The following FRMD4B variants were observed in gnomAD, a reference collection of about 807,000 sequenced individuals.
FRMD4B encodes the protein FERM domain containing 4B, also known as FERM domain-containing protein 4B.
In FRMD4B, 74 loss-of-function variants were observed where a neutral mutation model predicts 141.5. The ratio of observed to expected loss-of-function variants is 0.52; its 90% CI spans 0.43 to 0.63. FRMD4B has a LOEUF of 0.63. FRMD4B is among the 30% of genes least tolerant of loss of function. The probability of loss-of-function intolerance (pLI) is 0.00; values close to 1 mark genes in which losing one functional copy is unlikely to be tolerated. For synonymous variants in FRMD4B, 506 were observed against 467.9 expected (o/e 1.08, Z -1.05); for missense variants, 1,366 against 1,253.4 (o/e 1.09, Z -1.36).
At chr3:69,499,691 C>CAG (rs149911069) in intron 1 of FRMD4B, among the ~76,000 whole-genome samples, 5,288 of 149,524 alleles carry the variant, frequency 0.035, 117 homozygotes, top group Middle Eastern at 0.056. Context: ...AGCAGGAAGA[C>CAG]AGAGAGAGAG....
intron 2 of FRMD4B, among the ~76,000 whole-genome samples, chr3:69,400,662 T>G (rs1241140630): frequency 2.6e-5 from 4 of 152,166 alleles, no homozygotes; most frequent in Non-Finnish European, 5.9e-5. Flanking sequence ...GTGGGCAAGG[T>G]CTCTGGATGT....
At chr3:69,280,675 G>T (rs906126314) in intron 5 of FRMD4B, among the ~76,000 whole-genome samples, 1 of 152,114 alleles carries the variant, frequency 6.6e-6, no homozygotes, top group Non-Finnish European at 1.5e-5. Context: ...CTGTCATTGA[G>T]CATGTCCATG....
At chr3:69,464,981 A>T (rs926967709) in intron 1 of FRMD4B, among the ~76,000 whole-genome samples, 11 of 152,234 alleles carry the variant, frequency 7.2e-5, no homozygotes. Flanking sequence ...CTTTACAGAC[A>T]TATCAACCAA....
chr3:69,305,482 T>C (rs944035620), intron 3 of FRMD4B, among the ~76,000 whole-genome samples: 6 of 152,258 alleles, frequency 3.9e-5, no homozygotes, highest in African/African-American at 1.4e-4. Flanking sequence ...AGGATGCCAC[T>C]GATATAAAGA....
At chr3:69,184,052 T>C (rs559297241) in intron 19 of FRMD4B, among the ~76,000 whole-genome samples, 3 of 152,132 alleles carry the variant, frequency 2.0e-5, no homozygotes, top group Admixed American at 6.6e-5. Flanking sequence ...TACACCACCA[T>C]GCCTGGCTAA....
intron 1 of FRMD4B, among the ~76,000 whole-genome samples, chr3:69,464,738 C>T (rs562780325): frequency 6.6e-6 from 1 of 152,316 alleles, no homozygotes; most frequent in African/African-American, 2.4e-5. Flanking sequence ...GGGAACAACA[C>T]ACCGTCAATA....
chr3:69,491,622 A>G (rs997250675), intron 1 of FRMD4B, among the ~76,000 whole-genome samples: 3 of 152,248 alleles, frequency 2.0e-5, no homozygotes, highest in African/African-American at 7.2e-5. Context: ...TTAAAGTTAC[A>G]AATACAAAAC....
intron 1 of FRMD4B, among the ~76,000 whole-genome samples, chr3:69,459,462 A>G (rs1378372165): frequency 1.3e-5 from 2 of 152,244 alleles, no homozygotes; most frequent in African/African-American, 4.8e-5. Flanking sequence ...ATCCTCTCAT[A>G]CATTCATTAC....
At chr3:69,517,741 A>G (rs1700787519) in intron 1 of FRMD4B, among the ~76,000 whole-genome samples, 1 of 152,168 alleles carries the variant, frequency 6.6e-6, no homozygotes, top group South Asian at 2.1e-4. Context: ...TTTCCAGCTC[A>G]CAACATCCTT....
chr3:69,237,233 G>A (rs936017434), intron 7 of FRMD4B, among the ~76,000 whole-genome samples: 10 of 152,208 alleles, frequency 6.6e-5, no homozygotes, highest in African/African-American at 2.2e-4. Flanking sequence ...GGGAGGGGCC[G>A]GGAAAGGAAA....
At chr3:69,319,879 C>T (rs1045987885) in intron 1 of FRMD4B, among the ~76,000 whole-genome samples, 1 of 152,104 alleles carries the variant, frequency 6.6e-6, no homozygotes, top group Non-Finnish European at 1.5e-5. Context: ...AGCCCATTTT[C>T]GATGGATCAG....
chr3:69,277,674 G>A (rs1379266144), intron 5 of FRMD4B, among the ~76,000 whole-genome samples: 1 of 151,220 alleles, frequency 6.6e-6, no homozygotes, highest in Non-Finnish European at 1.5e-5. Flanking sequence ...TGGGACTACA[G>A]GCACGCACCA....
At chr3:69,240,194 A>G (rs1322405731) in intron 7 of FRMD4B, among the ~76,000 whole-genome samples, 1 of 152,314 alleles carries the variant, frequency 6.6e-6, no homozygotes, top group East Asian at 1.9e-4. Context: ...CTAGAGTTAG[A>G]AAAAGGATAC....
intron 1 of FRMD4B, among the ~76,000 whole-genome samples, chr3:69,480,250 G>C (rs1370622190): frequency 3.3e-5 from 5 of 151,920 alleles, no homozygotes; most frequent in South Asian, 4.2e-4. Context: ...TTGCTGGTGA[G>C]GAACTGCATT....
chr3:69,374,648 T>C (rs1461311689), intron 1 of FRMD4B, among the ~76,000 whole-genome samples: 1 of 152,214 alleles, frequency 6.6e-6, no homozygotes, highest in Non-Finnish European at 1.5e-5. Context: ...AATTTAACAA[T>C]TTCCTGTCAG....
chr3:69,308,546 TC>T, intron 3 of FRMD4B, among the ~76,000 whole-genome samples: 1 of 151,166 alleles, frequency 6.6e-6, no homozygotes, highest in East Asian at 2.0e-4. Context: ...CATGCAATCC[TC>T]CCACCTAAGC....
In FRMD4B at chr3:69,435,889, T is replaced by C. The variant is rs138933258; in HGVS notation, c.-128-3128A>G. Among the ~76,000 whole-genome samples the C allele has an allele frequency of 3.7e-3, 563 of 152,204 alleles. 5 individuals are homozygous for C. The highest frequency in any genetic ancestry group is 0.013 in the African/African-American group (546 of 41,534). ...ACTACATCATCATGAATATAGCCAG[T>C]TTTTCCTTCAAAGTTGCAACAGATA... On this transcript the variant is annotated intron_variant, in intron 1 of 5. Transcript: ENST00000459638.
chr3:69,353,381 C>T (rs1468410172), intron 1 of FRMD4B, among the ~76,000 whole-genome samples: 1 of 152,122 alleles, frequency 6.6e-6, no homozygotes, highest in Non-Finnish European at 1.5e-5. Context: ...TTGTAATTTC[C>T]TTTTCTGCAA....
In FRMD4B at chr3:69,530,350, C is replaced by T. The variant is rs143936705; in HGVS notation, c.-129+11856G>A. On this transcript the variant is annotated intron_variant, in intron 1 of 5. Coordinates refer to the FRMD4B transcript ENST00000459638. ...TCACTCAAAGGTGAATGAGTTCTCA[C>T]TCTATTGGTTTTCACAAGAGCTAGT... Among the ~76,000 whole-genome samples, 37 of 152,308 alleles carry T rather than the reference C, an allele frequency of 2.4e-4. 2 individuals are homozygous for T. The highest frequency in any genetic ancestry group is 8.2e-4 in the African/African-American group (34 of 41,566).
Sources: allele counts gnomAD v4.1 joint callset (sites outside exome capture counted in the v4.1 genomes callset), GRCh38; gene constraint gnomAD v4.1.1; transcripts MANE v1.5; gene names NCBI Gene and HGNC (gene_info 2026-07-23, HGNC 2026-07-21).